The following IL17RA variants were observed in gnomAD, a reference collection of about 807,000 sequenced individuals.
The protein encoded by IL17RA is interleukin 17 receptor A.
In IL17RA, 34 loss-of-function variants were observed where a neutral mutation model predicts 50.4. The ratio of observed to expected loss-of-function variants is 0.67; its 90% CI spans 0.51 to 0.90. The LOEUF (loss-of-function observed/expected upper bound fraction) is 0.90. IL17RA is among the 40% of genes least tolerant of loss of function. IL17RA has a pLI of 0.00. For missense variants in IL17RA, 1,276 were observed against 1,169.8 expected (o/e 1.09, Z -1.32); for synonymous variants, 585 against 510.4 (o/e 1.15, Z -1.97).
chr22:17,091,142 AT>A (rs1213675539), intron 1 of IL17RA, among the ~76,000 whole-genome samples: 1 of 152,176 alleles, frequency 6.6e-6, no homozygotes, highest in African/African-American at 2.4e-5. Context: ...TTACTCCCTC[AT>A]TTTGCTGGAG....
At chr22:17,107,946 C>T (rs756641006) in intron 12 of IL17RA, among the ~76,000 whole-genome samples, 178 bp downstream of exon 12, 2 of 152,122 alleles carry the variant, frequency 1.3e-5, no homozygotes, top group South Asian at 2.1e-4. Flanking sequence ...GGCCTGGGTG[C>T]CATTTTTTGA....
At chr22:17,100,617 C>T (rs1568919751) in intron 5 of IL17RA, 136 bp downstream of exon 5, 3 of 1,143,676 alleles carry the variant, frequency 2.6e-6, no homozygotes, top group Non-Finnish European at 3.9e-6. Context: ...ACAGAACAAA[C>T]AGAGGCCAAG....
intron 1 of IL17RA, among the ~76,000 whole-genome samples, chr22:17,094,681 C>CTA (rs1486580530): frequency 1.9e-4 from 9 of 48,190 alleles, no homozygotes; most frequent in East Asian, 4.3e-4. Flanking sequence ...CTCTCTCTCT[C>CTA]TCTCTCTCTC....
At chr22:17,096,787 G>A (rs1389073857) in intron 1 of IL17RA, among the ~76,000 whole-genome samples, 2 of 151,468 alleles carry the variant, frequency 1.3e-5, no homozygotes, top group Admixed American at 6.6e-5. Context: ...GGAGAATGGC[G>A]TGAACCCGGG....
intron 1 of IL17RA, among the ~76,000 whole-genome samples, chr22:17,085,441 G>T (rs1010250980): frequency 1.3e-5 from 2 of 152,134 alleles, no homozygotes; most frequent in African/African-American, 2.4e-5. Flanking sequence ...GAATACGGGG[G>T]GGGTGGGTGG....
At chr22:17,102,743 C>A (rs1337806845) in intron 7 of IL17RA, among the ~76,000 whole-genome samples, 1 of 151,862 alleles carries the variant, frequency 6.6e-6, no homozygotes, top group Non-Finnish European at 1.5e-5. Flanking sequence ...GAGTTCGAGA[C>A]TACAGTAAGC....
intron 11 of IL17RA, among the ~76,000 whole-genome samples, chr22:17,107,039 G>A (rs1235665085): frequency 6.6e-6 from 1 of 152,164 alleles, no homozygotes; most frequent in Non-Finnish European, 1.5e-5. Flanking sequence ...TCAGTCATCT[G>A]TGGATCTCAA....
chr22:17,086,726 C>T (rs2061329659), intron 1 of IL17RA, among the ~76,000 whole-genome samples: 1 of 152,196 alleles, frequency 6.6e-6, no homozygotes, highest in South Asian at 2.1e-4. Flanking sequence ...AAATTGCTTC[C>T]AGTTGGGGTG....
Position 17,102,144 on chromosome 22 carries a change from C to A in IL17RA, c.604C>A (p.Leu202Met). 6.2e-7 allele frequency: 1 copy of A among 1,614,164 alleles called. No individual in the cohort carries two copies. The highest frequency in any genetic ancestry group is 8.5e-7 in the Non-Finnish European group (1 of 1,180,040). The stretch of plus-strand genomic sequence containing the variant: ...TGCGTGTGTGACCTTGGCAGGCAGC[C>A]TGTGGGACCCCAACATCACCGTGGA... ...VTTPCMSSGS[L>M]WDPNITVETL... The change falls in exon 7 of 13, where the codon CTG (leucine) becomes ATG (methionine). Residue 202 changes from leucine (L) to methionine (M), a missense_variant. Physicochemically the swap from Leu to Met is conservative, Grantham distance 15 (BLOSUM62 2). Coordinates refer to ENST00000319363, the MANE Select transcript of IL17RA (RefSeq NM_014339.7).
Position 17,103,625 on chromosome 22 carries a change from A to G in IL17RA, c.846+48A>G, listed in dbSNP as rs1444468537. ...GGTGCAGGGAGCAAAACAGGTGGCA[A>G]TTATAGAGTGGACAGGAGTGAGGAG... On this transcript the variant is annotated intron_variant, in intron 8 of 12. Coordinates refer to ENST00000319363, the MANE Select transcript of IL17RA (RefSeq NM_014339.7). 17 of 1,431,360 alleles carry G rather than the reference A, an allele frequency of 1.2e-5. No homozygotes were observed. The Admixed American group carries it at 1.6e-4, about 14-fold the overall frequency. The allele number at this position is 1,431,360 out of a possible 1,614,324, so 88.7% of individuals were successfully genotyped here. A position where few individuals can be genotyped will look rare whatever the true frequency, so the allele number is the denominator to read the frequency against.
intron 1 of IL17RA, among the ~76,000 whole-genome samples, chr22:17,088,065 C>A (rs41410947): frequency 0.02 from 3,073 of 152,282 alleles, 107 homozygotes; most frequent in African/African-American, 0.071. Flanking sequence ...CCATACTCAA[C>A]GACAGCTTAC....
chr22:17,093,284 G>A lies in IL17RA; in HGVS notation c.139-3778G>A, dbSNP rs2061354227. Among the ~76,000 whole-genome samples the A allele has an allele frequency of 5.3e-5, 8 of 152,284 alleles. 1 individual carries two copies. Among genetic ancestry groups the A allele is most frequent in the Admixed American group, 5.2e-4 (8 of 15,294 alleles). On this transcript the variant is annotated intron_variant, in intron 1 of 12. Transcript: ENST00000319363. ...GCTAATCGTGAACCTGGCCTATTGG[G>A]TGACCTCCAAATGCTGAAATCTGGA...
Position 17,100,141 on chromosome 22 carries a change from TAAAAA to T in IL17RA, c.424-198_424-194del, listed in dbSNP as rs35718705. Reference sequence around the variant, plus strand: ...CTACTGATGAGGCCAGATCCAGGTTTAAAAAAAAAAAAAAAAAAAACAGGCAGAAA... The same window carrying T: ...CTACTGATGAGGCCAGATCCAGGTTTAAAAAAAAAAAAAAACAGGCAGAAA... On this transcript the variant is annotated intron_variant, in intron 4 of 12. Transcript: ENST00000319363. Among the ~76,000 whole-genome samples, 684 of 121,542 alleles carry T rather than the reference TAAAAA, an allele frequency of 5.6e-3. 4 individuals are homozygous for T. The highest frequency in any genetic ancestry group is 0.018 in the African/African-American group (647 of 35,446). 79.7% of individuals were successfully genotyped at this position (121,542 alleles called of 152,430 possible).
At chr22:17,104,666 G>T in intron 8 of IL17RA, 60 bp from the exon 9 acceptor site, 1 of 1,482,608 alleles carries the variant, frequency 6.7e-7, no homozygotes, top group Non-Finnish European at 9.4e-7. Context: ...GCCGCTGCTG[G>T]CTGGAAGGCA....
intron 7 of IL17RA, among the ~76,000 whole-genome samples, chr22:17,102,830 A>T (rs1341889893): frequency 6.6e-6 from 1 of 152,200 alleles, no homozygotes; most frequent in Non-Finnish European, 1.5e-5. Context: ...AAATTGAAAA[A>T]TAAATAAAGT....
At chr22:17,085,662 C>T (rs1485512125) in intron 1 of IL17RA, among the ~76,000 whole-genome samples, 1 of 152,146 alleles carries the variant, frequency 6.6e-6, no homozygotes, top group Admixed American at 6.5e-5. Flanking sequence ...CCTTGCGCCC[C>T]TCACGTACCC....
In IL17RA at chr22:17,110,184, T is replaced by G; in HGVS notation, c.*364T>G. 1 of 345,674 alleles carries G rather than the reference T, an allele frequency of 2.9e-6. No individual in the cohort carries two copies. Among genetic ancestry groups the G allele is most frequent in the South Asian group, 2.3e-5 (1 of 42,704 alleles). The allele number at this position is 345,674 out of a possible 1,614,324, so 21.4% of individuals were successfully genotyped here. On this transcript the variant is annotated 3_prime_UTR_variant, in exon 13 of 13. Coordinates refer to ENST00000319363, the MANE Select transcript of IL17RA (RefSeq NM_014339.7). ...CCCAGCCATGAAGGAACTTAACCGC[T>G]AGTGCCGAGGACACGTTAAACGAAC...
At chr22:17,096,928 C>A in intron 1 of IL17RA, 134 bp from the exon 2 acceptor site, 1 of 811,450 alleles carries the variant, frequency 1.2e-6, no homozygotes, top group Non-Finnish European at 2.2e-6. Context: ...ACTCCTCATC[C>A]TATTCCCCAA....
Position 17,094,673 on chromosome 22 carries a change from C to CTATATATA in IL17RA, c.139-2388_139-2387insATATATAT, listed in dbSNP as rs1568917416. Reference sequence around the variant, plus strand: ...ATACACACACTCTCTCTCTCTCTCTCTCTCTCTCTCTCTCTCTCTATATAT... The same window carrying CTATATATA: ...ATACACACACTCTCTCTCTCTCTCTCTATATATATCTCTCTCTCTCTCTCTCTATATAT... On this transcript the variant is annotated intron_variant, in intron 1 of 12. Coordinates refer to ENST00000319363, the MANE Select transcript of IL17RA (RefSeq NM_014339.7). Among the ~76,000 whole-genome samples, 26 of 47,838 alleles carry CTATATATA rather than the reference C, an allele frequency of 5.4e-4. 1 individual carries two copies. Among genetic ancestry groups the CTATATATA allele is most frequent in the Non-Finnish European group, 8.5e-4 (21 of 24,720 alleles). 31.4% of individuals were successfully genotyped at this position (47,838 alleles called of 152,430 possible). A position where few individuals can be genotyped will look rare whatever the true frequency, so the allele number is the denominator to read the frequency against.
Sources: gnomAD v4.1 joint callset for allele counts (sites outside exome capture counted in the v4.1 genomes callset) on GRCh38, gnomAD v4.1.1 for gene constraint, MANE v1.5 for transcripts, NCBI Gene and HGNC (gene_info 2026-07-23, HGNC 2026-07-21) for gene names.